Variants in POLA2 observed in about 807,000 individuals in gnomAD.
POLA2 encodes the protein DNA polymerase alpha 2, accessory subunit.
A neutral mutation model predicts 82.8 loss-of-function variants in POLA2; 47 were observed. The observed-to-expected ratio is 0.57, with a 90% CI of 0.45 to 0.72. POLA2 has a LOEUF of 0.72. Ranked by LOEUF, POLA2 falls within the 30% of genes least tolerant of loss-of-function variation. The pLI, the probability that POLA2 is intolerant of heterozygous loss-of-function variation, is 0.00. For missense variants in POLA2, 634 were observed against 728.1 expected, an observed-to-expected ratio of 0.87 and a Z score of 1.49; for synonymous variants, 287 against 286.8, an observed-to-expected ratio of 1.00 and a Z score of -0.01.
At chr11:65,301,590 G>A (rs1442246865), downstream of POLA2, among the ~76,000 whole-genome samples, 1 of 152,152 alleles carries the variant, frequency 6.6e-6, no homozygotes, top group African/African-American at 2.4e-5. Flanking sequence ...ACAGAACTGG[G>A]TGCTGGGAGG....
chr11:65,281,781 A>T, intron 9 of POLA2, 49 bp downstream of exon 9: 1 of 1,397,432 alleles, frequency 7.2e-7, no homozygotes, highest in Non-Finnish European at 1.0e-6. Flanking sequence ...CAGACAAAGT[A>T]TGTCTGGAAG....
Position 65,261,973 on chromosome 11 carries a change from C to T in POLA2, c.-320C>T, listed in dbSNP as rs934702092. On this transcript the variant is annotated 5_prime_UTR_variant, in exon 1 of 18. Coordinates refer to ENST00000265465, the MANE Select transcript of POLA2 (RefSeq NM_002689.4). The stretch of plus-strand genomic sequence containing the variant: ...TTTTCCGGCCACTCAGTTCTGCCAC[C>T]GTCACTGAGAAGCTCAGCGGTAGCT... 4.8e-6 allele frequency: 2 copies of T among 419,618 alleles called. No homozygotes were observed. The highest frequency in any genetic ancestry group is 8.6e-6 in the Non-Finnish European group (2 of 233,614). The allele number at this position is 419,618 out of a possible 1,614,324, so 26.0% of individuals were successfully genotyped here. A position where few individuals can be genotyped will look rare whatever the true frequency, so the allele number is the denominator to read the frequency against.
intron 11 of POLA2, 63 bp downstream of exon 11, chr11:65,287,903 A>G: frequency 6.5e-7 from 1 of 1,530,986 alleles, no homozygotes; most frequent in Non-Finnish European, 8.9e-7. Flanking sequence ...ATGAAGTTCT[A>G]AATTTTTAGG....
intron 15 of POLA2, among the ~76,000 whole-genome samples, chr11:65,294,986 A>C (rs1341723549): frequency 6.6e-6 from 1 of 152,194 alleles, no homozygotes; most frequent in Non-Finnish European, 1.5e-5. Context: ...CTGAAAACAA[A>C]TGTGGACATC....
At chr11:65,300,676 G>A (rs189723813), downstream of POLA2, among the ~76,000 whole-genome samples, 82 of 152,140 alleles carry the variant, frequency 5.4e-4, no homozygotes, top group East Asian at 0.015. Context: ...TCCACCTTCC[G>A]GGTTCAAACG....
intron 4 of POLA2, among the ~76,000 whole-genome samples, chr11:65,272,874 C>T (rs1949536482): frequency 6.6e-6 from 1 of 150,698 alleles, no homozygotes; most frequent in Non-Finnish European, 1.5e-5. Flanking sequence ...ATTAGCCGGG[C>T]GTGGCAGCGG....
intron 1 of POLA2, 117 bp from the exon 2 acceptor site, chr11:65,266,464 TG>T: frequency 2.0e-6 from 2 of 1,024,538 alleles, no homozygotes; most frequent in Non-Finnish European, 2.9e-6. Context: ...AAACAGTGCC[TG>T]GCACTAATAG....
intron 5 of POLA2, among the ~76,000 whole-genome samples, chr11:65,278,042 C>T (rs988941377): frequency 6.6e-6 from 1 of 152,108 alleles, no homozygotes; most frequent in African/African-American, 2.4e-5. Flanking sequence ...CTCTGTACGG[C>T]GTGTTTACAA....
intron 1 of POLA2, among the ~76,000 whole-genome samples, chr11:65,264,778 G>A (rs781575106): frequency 6.6e-6 from 1 of 152,128 alleles, no homozygotes; most frequent in Non-Finnish European, 1.5e-5. Flanking sequence ...AAGCAATTAA[G>A]GACATCACTG....
chr11:65,305,473 T>A (rs1475382469), exon 9 of POLA2: 4 of 442,530 alleles, frequency 9.0e-6, no homozygotes. Context: ...GCCTGGTACC[T>A]GGCACAGTCT....
chr11:65,280,458 C>T (rs192513599), intron 7 of POLA2: 2 of 153,008 alleles, frequency 1.3e-5, no homozygotes, highest in East Asian at 3.8e-4. Flanking sequence ...GCTTCACCCA[C>T]AGTTTGACCT....
At chr11:65,270,012 A>G (rs1315154295) in intron 4 of POLA2, among the ~76,000 whole-genome samples, 1 of 152,122 alleles carries the variant, frequency 6.6e-6, no homozygotes, top group Non-Finnish European at 1.5e-5. Context: ...TTGTATTTTT[A>G]GTAGAGACGG....
intron 15 of POLA2, among the ~76,000 whole-genome samples, chr11:65,295,273 G>A (rs367865995): frequency 1.3e-5 from 2 of 152,302 alleles, no homozygotes; most frequent in African/African-American, 2.4e-5. Context: ...TGCACAGTAC[G>A]GTGCTGGCTA....
intron 3 of POLA2, 35 bp from the exon 4 acceptor site, chr11:65,268,637 C>T (rs776499030): frequency 4.9e-6 from 7 of 1,430,600 alleles, no homozygotes; most frequent in Non-Finnish European, 6.9e-6. Flanking sequence ...CTACCGTGCC[C>T]AGCCATTATT....
downstream of POLA2, among the ~76,000 whole-genome samples, chr11:65,302,922 C>T (rs568406211): frequency 2.6e-5 from 4 of 151,952 alleles, no homozygotes; most frequent in South Asian, 2.1e-4. Context: ...GAGACAGTTT[C>T]GCCACGTTGC....
Position 65,268,741 on chromosome 11 carries a change from G to A in POLA2, c.354+12G>A, listed in dbSNP as rs780264744. ...CCACACCTTCAAAGGTAAGTAAACA[G>A]TGTTTGGACATTGCATTTTACAAGT... On this transcript the variant is annotated intron_variant, in intron 4 of 17. Coordinates refer to ENST00000265465, the MANE Select transcript of POLA2 (RefSeq NM_002689.4). The A allele has an allele frequency of 8.6e-6, 13 of 1,515,556 alleles. No individual in the cohort carries two copies. The Admixed American group carries it at 1.9e-4, about 22-fold the overall frequency. The allele number at this position is 1,515,556 out of a possible 1,614,324, so 93.9% of individuals were successfully genotyped here. A position where few individuals can be genotyped will look rare whatever the true frequency, so the allele number is the denominator to read the frequency against.
At chr11:65,279,784 A>G in intron 7 of POLA2, 158 bp downstream of exon 7, 1 of 567,430 alleles carries the variant, frequency 1.8e-6, no homozygotes, top group South Asian at 2.3e-5. Flanking sequence ...CTGAAGAAAG[A>G]TTTGTAAGTG....
rs781028427 is a variant in POLA2, at chr11:65,287,731, T to C, written c.1022T>C (p.Met341Thr). The C allele has an allele frequency of 6.2e-7, 1 of 1,613,658 alleles. No homozygotes were observed. The change falls in exon 11 of 18, where the codon ATG becomes ACG. Residue 341 changes from methionine to threonine, a missense_variant. By Grantham distance (81) the Met-to-Thr change is moderately conservative. Coordinates refer to ENST00000265465, the MANE Select transcript of POLA2 (RefSeq NM_002689.4). The stretch of plus-strand genomic sequence containing the variant: ...TCTGTCTTAGACTTTGAGCAAAGCA[T>C]GGTCCTGGTTGCCTGTGGACCATAC... ...TEEDADFEQS[M>T]VLVACGPYTT...
At chr11:65,291,066 A>G (rs1949750289) in intron 13 of POLA2, among the ~76,000 whole-genome samples, 1 of 152,226 alleles carries the variant, frequency 6.6e-6, no homozygotes, top group South Asian at 2.1e-4. Context: ...GAAGAGGCTA[A>G]AGCCGGAAGT....
Sources: gnomAD v4.1 joint callset for allele counts (sites outside exome capture counted in the v4.1 genomes callset) on GRCh38, gnomAD v4.1.1 for gene constraint, MANE v1.5 for transcripts, NCBI Gene and HGNC (gene_info 2026-07-23, HGNC 2026-07-21) for gene names.